Variants in ZNF430 observed in about 807,000 individuals in gnomAD.
The protein encoded by ZNF430 is zinc finger protein 430.
In ZNF430, 35 loss-of-function variants were observed where a neutral mutation model predicts 56.7. The ratio of observed to expected loss-of-function variants is 0.62; its 90% CI spans 0.47 to 0.82. ZNF430 has a LOEUF of 0.82. Among genes scored for constraint, ZNF430 ranks in the 40% least tolerant of loss-of-function variants. The pLI, the probability that ZNF430 is intolerant of heterozygous loss-of-function variation, is 0.00. For synonymous variants in ZNF430, 212 were observed against 224.3 expected (o/e 0.94, Z 0.49); for missense variants, 574 against 661.0 (o/e 0.87, Z 1.44).
At chr19:21,043,202 T>C (rs1248963595) in intron 4 of ZNF430, among the ~76,000 whole-genome samples, 4 of 152,232 alleles carry the variant, frequency 2.6e-5, no homozygotes, top group African/African-American at 4.8e-5. Context: ...TCCATGCCTA[T>C]GTCCTGAATG....
rs1160192968 is a variant in ZNF430 at position 21,020,742 on chromosome 19, G to C, written c.-59G>C. The C allele has an allele frequency of 2.5e-6, 4 of 1,609,740 alleles. No individual in the cohort carries two copies. The highest frequency in any genetic ancestry group is 3.4e-6 in the Non-Finnish European group (4 of 1,176,604). On this transcript the variant is annotated 5_prime_UTR_variant, in exon 1 of 5. Transcript: ENST00000261560. ...AGAGGTCCAGGCTCTGTGGCCCTGTGACCCGCAGGTATTGGGAGATCTACA... is the reference window on the plus strand; with the variant it reads ...AGAGGTCCAGGCTCTGTGGCCCTGTCACCCGCAGGTATTGGGAGATCTACA...
intron 4 of ZNF430, among the ~76,000 whole-genome samples, chr19:21,044,410 C>G (rs754598964): frequency 1.1e-4 from 16 of 152,016 alleles, no homozygotes; most frequent in Non-Finnish European, 2.1e-4. Flanking sequence ...GTTGAAATAG[C>G]CTTGCATCCC....
chr19:21,030,243 T>C (rs976591635), intron 2 of ZNF430, among the ~76,000 whole-genome samples: 8 of 152,222 alleles, frequency 5.3e-5, no homozygotes, highest in Non-Finnish European at 8.8e-5. Flanking sequence ...TTTTTCTATG[T>C]TCTTCTCATC....
intron 2 of ZNF430, among the ~76,000 whole-genome samples, chr19:21,029,210 A>T (rs971370431): frequency 2.0e-5 from 3 of 152,204 alleles, no homozygotes; most frequent in Non-Finnish European, 4.4e-5. Flanking sequence ...ACATGGGTGA[A>T]TTAAGCATTA....
chr19:21,035,462 C>T (rs1967978834), intron 4 of ZNF430: 1 of 159,566 alleles, frequency 6.3e-6, no homozygotes, highest in Non-Finnish European at 1.4e-5. Context: ...TCATATGATC[C>T]ACAAACAGCA....
intron 2 of ZNF430, among the ~76,000 whole-genome samples, chr19:21,024,545 C>T (rs1256577993): frequency 2.6e-5 from 4 of 151,770 alleles, no homozygotes; most frequent in African/African-American, 7.3e-5. Context: ...TTTGGGAGGC[C>T]GAGGCAGGCG....
rs775938572 is a variant in ZNF430 at position 21,057,492 on chromosome 19, A to T, written c.1184A>T (p.His395Leu). 6 of 1,613,748 alleles carry T rather than the reference A, an allele frequency of 3.7e-6. No individual in the cohort carries two copies. The East Asian group carries it at 1.3e-4, about 36-fold the overall frequency. The change falls in exon 5 of 5, where the codon CAT becomes CTT. Residue 395 changes from histidine to leucine, a missense_variant. This residue lies in a region of ZNF430 where 213 missense variants were observed against 221.0 expected (regional missense o/e 0.96). Transcript: ENST00000261560. ...FSYLTKHKII[H>L]TGEKFYKCEE... ...TACCTTACTAAACATAAGATAATTC[A>T]TACTGGAGAGAAATTCTACAAATGT...
chr19:21,021,144 G>T (rs1974290990), intron 1 of ZNF430, among the ~76,000 whole-genome samples: 1 of 151,948 alleles, frequency 6.6e-6, no homozygotes, highest in Non-Finnish European at 1.5e-5. Flanking sequence ...CTGACTTGGG[G>T]TGCGAGTTCA....
At position 21,020,714 on chromosome 19, in the gene ZNF430, C is replaced by T. The variant is rs1446491721; in HGVS notation, c.-87C>T. The T allele has an allele frequency of 1.9e-6, 3 of 1,574,858 alleles. No individual in the cohort carries two copies. In the East Asian group the frequency reaches 6.7e-5, roughly 35 times the overall value. On this transcript the variant is annotated 5_prime_UTR_variant, in exon 1 of 5. Transcript: ENST00000261560. ...TCTTCAGCGCTCTGTGTCCTCTGCT[C>T]CTAGAGGTCCAGGCTCTGTGGCCCT...
At chr19:21,026,833 T>C (rs1055014962) in intron 2 of ZNF430, among the ~76,000 whole-genome samples, 3 of 120,414 alleles carry the variant, frequency 2.5e-5, no homozygotes, top group African/African-American at 9.0e-5. Flanking sequence ...TTTTCTTTTT[T>C]TTTTTTTTTT....
chr19:21,057,131 A>G lies in ZNF430; in HGVS notation c.823A>G (p.Thr275Ala). 6.2e-7 allele frequency: 1 copy of G among 1,613,784 alleles called. No individual in the cohort carries two copies. The highest frequency in any genetic ancestry group is 8.5e-7 in the Non-Finnish European group (1 of 1,179,938). Residue 275 changes from threonine (T) to alanine (A), a missense_variant, in exon 5 of 5, where the codon ACC (threonine) becomes GCC (alanine). By Grantham distance (58) the Thr-to-Ala change is moderately conservative (BLOSUM62 0). Coordinates refer to ENST00000261560, the MANE Select transcript of ZNF430 (RefSeq NM_025189.4). Reference sequence around the variant, plus strand: ...TGGCAAAGCTTTTAAGCAGTCCTCAACCCTTACTACACATAAGATAATTCA... The same window carrying G: ...TGGCAAAGCTTTTAAGCAGTCCTCAGCCCTTACTACACATAAGATAATTCA... ...QCGKAFKQSS[T>A]LTTHKIIHTG...
chr19:21,039,609 G>A (rs887085073), intron 4 of ZNF430, among the ~76,000 whole-genome samples: 3 of 151,752 alleles, frequency 2.0e-5, no homozygotes, highest in Non-Finnish European at 4.4e-5. Flanking sequence ...TGGGATTACA[G>A]GCACCCACCA....
chr19:21,029,538 C>G (rs1244813125), intron 2 of ZNF430, among the ~76,000 whole-genome samples: 1 of 152,086 alleles, frequency 6.6e-6, no homozygotes, highest in African/African-American at 2.4e-5. Flanking sequence ...CTGGAAATAC[C>G]TTGGTGGCAG....
chr19:21,037,649 C>T (rs1326115960), intron 4 of ZNF430, among the ~76,000 whole-genome samples: 2 of 152,096 alleles, frequency 1.3e-5, no homozygotes, highest in African/African-American at 4.8e-5. Context: ...ACTTGAGAAA[C>T]ATTTATAACA....
intron 4 of ZNF430, among the ~76,000 whole-genome samples, chr19:21,039,211 A>T (rs970363496): frequency 1.3e-5 from 2 of 152,018 alleles, no homozygotes; most frequent in Non-Finnish European, 2.9e-5. Flanking sequence ...AGCCTCCTGA[A>T]GTGCTGGGAT....
At chr19:21,051,643 A>G (rs1194197540) in intron 4 of ZNF430, among the ~76,000 whole-genome samples, 1 of 152,068 alleles carries the variant, frequency 6.6e-6, no homozygotes, top group Non-Finnish European at 1.5e-5. Flanking sequence ...ACAGGCTCGT[A>G]CCACCAAGCC....
Position 21,020,815 on chromosome 19 carries a change from G to T in ZNF430, c.3+12G>T, listed in dbSNP as rs1372854737. ...GAAGCCTAGAAATGGTGAGAGTGCC[G>T]GGTCCGACATCCCCAGAGAGGGGAG... is the stretch of plus-strand genomic sequence containing the variant. On this transcript the variant is annotated intron_variant, in intron 1 of 4. Coordinates refer to ENST00000261560, the MANE Select transcript of ZNF430 (RefSeq NM_025189.4). 1.2e-6 allele frequency: 2 copies of T among 1,613,740 alleles called. No homozygotes were observed. The highest frequency in any genetic ancestry group is 1.7e-6 in the Non-Finnish European group (2 of 1,179,846).
At chr19:21,025,503 G>A (rs1398508267) in intron 2 of ZNF430, among the ~76,000 whole-genome samples, 1 of 152,154 alleles carries the variant, frequency 6.6e-6, no homozygotes, top group Non-Finnish European at 1.5e-5. Context: ...CCATCTGGGA[G>A]TGCAGCCCCA....
chr19:21,054,781 TC>T (rs1968344164), intron 4 of ZNF430, among the ~76,000 whole-genome samples: 1 of 148,940 alleles, frequency 6.7e-6, no homozygotes. Context: ...TTCACGCCAT[TC>T]TCCTGCCTCA....
Sources: allele counts gnomAD v4.1 joint callset (sites outside exome capture counted in the v4.1 genomes callset), GRCh38; gene constraint gnomAD v4.1.1; regional missense constraint gnomAD v4.1.1; transcripts MANE v1.5; gene names NCBI Gene and HGNC (gene_info 2026-07-23, HGNC 2026-07-21).